LINGO2: variants seen among roughly 807,000 people sequenced by gnomAD.
LINGO2 encodes leucine rich repeat and Ig domain containing 2, also known as leucine-rich repeat and immunoglobulin-like domain-containing nogo receptor-interacting protein 2.
In LINGO2, 14 loss-of-function variants were observed where a neutral mutation model predicts 30.6. The observed-to-expected ratio is 0.46, with a 90% CI of 0.30 to 0.72. The LOEUF is 0.72. Among genes scored for constraint, LINGO2 ranks in the 30% least tolerant of loss-of-function variants. The pLI, the probability that LINGO2 is intolerant of heterozygous loss-of-function variation, is 0.07. For missense variants in LINGO2, 729 were observed against 751.7 expected (o/e 0.97, Z 0.35); for synonymous variants, 317 against 288.5 (o/e 1.10, Z -1.00).
intron 4 of LINGO2, among the ~76,000 whole-genome samples, chr9:28,025,110 T>C (rs1447609878): frequency 6.6e-6 from 1 of 152,206 alleles, no homozygotes; most frequent in Non-Finnish European, 1.5e-5. Context: ...TGATTACCGG[T>C]ATCTTGACAG....
the LINGO2 span, among the ~76,000 whole-genome samples, chr9:28,949,878 T>C: frequency 1.1e-3 from 170 of 152,224 alleles, no homozygotes; most frequent in African/African-American, 4.0e-3. Flanking sequence ...GCAAAAATCC[T>C]CAATAAAATA....
chr9:28,731,176 G>A, the LINGO2 span, among the ~76,000 whole-genome samples: 2,029 of 151,910 alleles, frequency 0.013, 47 homozygotes, highest in African/African-American at 0.046. Flanking sequence ...TTTAGTAGAG[G>A]CGAGATTTCT....
At chr9:28,833,967 C>G in the LINGO2 span, among the ~76,000 whole-genome samples, 1 of 151,564 alleles carries the variant, frequency 6.6e-6, no homozygotes, top group African/African-American at 2.4e-5. Flanking sequence ...TCATTTTACA[C>G]TTTTTTAGCC....
the LINGO2 span, among the ~76,000 whole-genome samples, chr9:29,211,435 A>C: frequency 6.6e-6 from 1 of 152,108 alleles, no homozygotes; most frequent in African/African-American, 2.4e-5. Flanking sequence ...AGTGAATCTG[A>C]CTTCATCAAA....
intron 1 of LINGO2, among the ~76,000 whole-genome samples, chr9:28,515,466 A>G (rs1034381950): frequency 4.6e-5 from 7 of 152,178 alleles, no homozygotes; most frequent in Non-Finnish European, 2.9e-5. Context: ...TCGGCCTCCC[A>G]AAGTGCCGGG....
chr9:28,658,143 T>G (rs1163898099), intron 1 of LINGO2, among the ~76,000 whole-genome samples: 2 of 152,140 alleles, frequency 1.3e-5, no homozygotes, highest in African/African-American at 4.8e-5. Flanking sequence ...CTAAATTTAT[T>G]AAGTTTTGCT....
chr9:28,421,278 A>G (rs941490860), intron 2 of LINGO2, among the ~76,000 whole-genome samples: 90 of 152,116 alleles, frequency 5.9e-4, no homozygotes, highest in Middle Eastern at 3.4e-3. Flanking sequence ...TGAAAAAAAT[A>G]AAAAAGGACA....
chr9:28,120,137 C>T (rs866341122), intron 4 of LINGO2, among the ~76,000 whole-genome samples: 5 of 152,092 alleles, frequency 3.3e-5, no homozygotes, highest in South Asian at 2.1e-4. Flanking sequence ...AGGATTGATG[C>T]TAATGGAACT....
intron 4 of LINGO2, among the ~76,000 whole-genome samples, chr9:28,172,109 C>G (rs577081857): frequency 6.7e-6 from 1 of 149,368 alleles, no homozygotes; most frequent in Non-Finnish European, 1.5e-5. Flanking sequence ...TAAGAATTCA[C>G]GGCCCGGCGC....
At chr9:28,241,077 T>C (rs984331441) in intron 4 of LINGO2, among the ~76,000 whole-genome samples, 10 of 152,004 alleles carry the variant, frequency 6.6e-5, no homozygotes, top group African/African-American at 2.4e-4. Context: ...AAGACCATCC[T>C]GGCCAACATG....
chr9:28,245,371 C>G (rs144197482), intron 4 of LINGO2, among the ~76,000 whole-genome samples: 3 of 152,128 alleles, frequency 2.0e-5, no homozygotes, highest in Non-Finnish European at 4.4e-5. Context: ...AAGCTGGAAG[C>G]GTTCCCTTTG....
At chr9:29,156,745 T>C in the LINGO2 span, among the ~76,000 whole-genome samples, 5 of 152,076 alleles carry the variant, frequency 3.3e-5, 1 homozygote, top group African/African-American at 1.2e-4. Flanking sequence ...TTTCACATGA[T>C]ACTTCTACTA....
At chr9:27,972,518 G>A (rs1820405241) in intron 5 of LINGO2, among the ~76,000 whole-genome samples, 2 of 152,166 alleles carry the variant, frequency 1.3e-5, no homozygotes, top group African/African-American at 4.8e-5. Context: ...GATCCACAGT[G>A]CAGAGTCTGG....
At chr9:28,608,465 A>C (rs1206845843) in intron 1 of LINGO2, among the ~76,000 whole-genome samples, 1 of 151,720 alleles carries the variant, frequency 6.6e-6, no homozygotes, top group African/African-American at 2.4e-5. Flanking sequence ...CATTACATAA[A>C]CCCCCTGGAA....
At chr9:28,321,939 AT>A (rs1389202595) in intron 3 of LINGO2, among the ~76,000 whole-genome samples, 3 of 152,178 alleles carry the variant, frequency 2.0e-5, no homozygotes. Flanking sequence ...CAACAATTTA[AT>A]TTTGATGCAT....
chr9:28,909,064 T>C, the LINGO2 span, among the ~76,000 whole-genome samples: 1 of 151,964 alleles, frequency 6.6e-6, no homozygotes, highest in Admixed American at 6.6e-5. Context: ...CCTGTTTAGA[T>C]TATAAGCATC....
the LINGO2 span, among the ~76,000 whole-genome samples, chr9:28,787,557 A>C: frequency 6.6e-6 from 1 of 152,172 alleles, no homozygotes; most frequent in Non-Finnish European, 1.5e-5. Flanking sequence ...ATCTAGAACA[A>C]TAAATAACCC....
chr9:28,193,676 G>A (rs1819901740), intron 4 of LINGO2, among the ~76,000 whole-genome samples: 1 of 152,144 alleles, frequency 6.6e-6, no homozygotes, highest in Non-Finnish European at 1.5e-5. Context: ...CTCCAAACTC[G>A]GTGGCTTACA....
At chr9:28,069,955 G>GC (rs1293954079) in intron 4 of LINGO2, among the ~76,000 whole-genome samples, 1 of 152,208 alleles carries the variant, frequency 6.6e-6, no homozygotes, top group Non-Finnish European at 1.5e-5. Flanking sequence ...ATACAACAGA[G>GC]CAGGGGCAGC....
Sources: allele counts gnomAD v4.1 joint callset (sites outside exome capture counted in the v4.1 genomes callset), GRCh38; gene constraint gnomAD v4.1.1; transcripts MANE v1.5; gene names NCBI Gene and HGNC (gene_info 2026-07-23, HGNC 2026-07-21).